HIVEP3: variants seen among roughly 807,000 people sequenced by gnomAD.
The protein encoded by HIVEP3 is transcription factor HIVEP3.
In HIVEP3, 49 loss-of-function variants were observed where a neutral mutation model predicts 152.8. The observed-to-expected ratio is 0.32, with a 90% CI of 0.26 to 0.41. The LOEUF (loss-of-function observed/expected upper bound fraction) is 0.41. Ranked by LOEUF, HIVEP3 falls within the 10% of genes least tolerant of loss-of-function variation. The pLI, the probability that HIVEP3 is intolerant of heterozygous loss-of-function variation, is 1.00. For synonymous variants in HIVEP3, 1,269 were observed against 1,289.0 expected, an observed-to-expected ratio of 0.98 and a Z score of 0.33; for missense variants, 2,790 against 3,103.3, an observed-to-expected ratio of 0.90 and a Z score of 2.40.
intron 1 of HIVEP3, among the ~76,000 whole-genome samples, chr1:42,025,887 T>A (rs1312777274): frequency 6.6e-6 from 1 of 151,976 alleles, no homozygotes; most frequent in Admixed American, 6.6e-5. Context: ...CTGGGCAACA[T>A]GGCAAAACCC....
intron 1 of HIVEP3, among the ~76,000 whole-genome samples, chr1:41,755,631 C>A (rs6699252): frequency 1.3e-5 from 2 of 149,922 alleles, no homozygotes; most frequent in African/African-American, 2.5e-5. Flanking sequence ...ACACCCAAAA[C>A]AATAAACAAT....
At chr1:41,728,751 C>T (rs572720075) in intron 1 of HIVEP3, among the ~76,000 whole-genome samples, 5 of 152,314 alleles carry the variant, frequency 3.3e-5, no homozygotes, top group African/African-American at 7.2e-5. Flanking sequence ...CAGACAGACA[C>T]GGGAATTCCC....
chr1:41,985,505 C>A (rs1645317185), intron 1 of HIVEP3, among the ~76,000 whole-genome samples: 2 of 152,194 alleles, frequency 1.3e-5, no homozygotes, highest in Admixed American at 1.3e-4. Context: ...AGAGAGGAAG[C>A]AAACTCTCTT....
At chr1:41,840,085 C>T (rs1643242246) in intron 1 of HIVEP3, among the ~76,000 whole-genome samples, 1 of 152,186 alleles carries the variant, frequency 6.6e-6, no homozygotes, top group African/African-American at 2.4e-5. Flanking sequence ...AATCCTGAGC[C>T]TGGCTCTCGT....
chr1:41,514,623 C>T (rs923160416), intron 7 of HIVEP3, among the ~76,000 whole-genome samples: 10 of 152,226 alleles, frequency 6.6e-5, no homozygotes, highest in African/African-American at 2.4e-4. Context: ...CCTCTAGCCT[C>T]GGGGCCCTCC....
intron 1 of HIVEP3, among the ~76,000 whole-genome samples, chr1:41,810,209 G>A (rs765122806): frequency 2.0e-5 from 3 of 152,192 alleles, no homozygotes; most frequent in Non-Finnish European, 4.4e-5. Context: ...GGTTGAAATG[G>A]CAGAACTGCT....
chr1:41,996,557 G>A (rs1645397201), intron 1 of HIVEP3, among the ~76,000 whole-genome samples: 1 of 152,080 alleles, frequency 6.6e-6, no homozygotes, highest in Non-Finnish European at 1.5e-5. Context: ...GCACAGTTTG[G>A]GTATCTCATA....
intron 2 of HIVEP3, among the ~76,000 whole-genome samples, chr1:41,635,085 G>A (rs759459755): frequency 7.2e-5 from 11 of 151,974 alleles, no homozygotes; most frequent in Non-Finnish European, 1.0e-4. Flanking sequence ...CGAATTGTAC[G>A]GACCACAGCC....
rs1231226081 is a variant in HIVEP3 at position 41,873,825 on chromosome 1, C to T, written c.-801+44588G>A. Among the ~76,000 whole-genome samples the T allele has an allele frequency of 6.6e-6, 1 of 152,174 alleles. No individual in the cohort carries two copies. The highest frequency in any genetic ancestry group is 1.5e-5 in the Non-Finnish European group (1 of 68,022). On this transcript the variant is annotated intron_variant, in intron 1 of 8. Coordinates refer to ENST00000372583, the MANE Select transcript of HIVEP3 (RefSeq NM_024503.5). This position sits in a 1 kb window ranked among gnomAD's most constrained non-coding sequence, Gnocchi z 4.2. ...GAATTCAAGAGTGGGATTCAAGAGACCAAACCATGGGGTCTAGGGGAAATA... is the reference window on the plus strand; with the variant it reads ...GAATTCAAGAGTGGGATTCAAGAGATCAAACCATGGGGTCTAGGGGAAATA...
At chr1:41,551,941 T>C (rs879941233) in intron 5 of HIVEP3, among the ~76,000 whole-genome samples, 5 of 152,192 alleles carry the variant, frequency 3.3e-5, no homozygotes, top group Non-Finnish European at 7.3e-5. Flanking sequence ...ATTTGTTTGC[T>C]CTTGCTTCTC....
At chr1:41,740,111 T>C (rs1646974870) in intron 1 of HIVEP3, among the ~76,000 whole-genome samples, 1 of 152,134 alleles carries the variant, frequency 6.6e-6, no homozygotes, top group Non-Finnish European at 1.5e-5. Flanking sequence ...GTCCTCCAGG[T>C]CTCCCCATAC....
chr1:41,651,063 T>C (rs1361322807), intron 2 of HIVEP3, among the ~76,000 whole-genome samples: 31 of 152,196 alleles, frequency 2.0e-4, no homozygotes, highest in Non-Finnish European at 7.4e-5. Flanking sequence ...GTCAGCTCTA[T>C]CTGTGGGTTC....
intron 1 of HIVEP3, among the ~76,000 whole-genome samples, chr1:41,767,273 G>C (rs1448434786): frequency 1.3e-5 from 2 of 152,198 alleles, no homozygotes; most frequent in Non-Finnish European, 2.9e-5. Context: ...GCTTTCACTA[G>C]GAAGGAAGCA....
At chr1:41,576,940 T>C (rs1644335886) in intron 4 of HIVEP3, among the ~76,000 whole-genome samples, 1 of 152,174 alleles carries the variant, frequency 6.6e-6, no homozygotes, top group African/African-American at 2.4e-5. Flanking sequence ...GACTGCTGCT[T>C]TGGCAGAAGG....
At chr1:41,578,999 T>G (rs1355496263) in intron 4 of HIVEP3, among the ~76,000 whole-genome samples, 1 of 152,218 alleles carries the variant, frequency 6.6e-6, no homozygotes, top group Non-Finnish European at 1.5e-5. Context: ...CATTTGAAAT[T>G]ATTGAATTTC....
intron 1 of HIVEP3, among the ~76,000 whole-genome samples, chr1:41,787,293 G>C (rs576275874): frequency 2.0e-5 from 3 of 152,258 alleles, no homozygotes; most frequent in African/African-American, 4.8e-5. Context: ...CAGTGCAACT[G>C]TCTGTAATGG....
chr1:41,824,416 T>G (rs2124346098), intron 1 of HIVEP3, among the ~76,000 whole-genome samples: 1 of 152,262 alleles, frequency 6.6e-6, no homozygotes, highest in East Asian at 1.9e-4. Context: ...TAACCTAGTC[T>G]AGTCAGAAAG....
intron 1 of HIVEP3, among the ~76,000 whole-genome samples, chr1:42,028,646 T>C (rs756334374): frequency 6.6e-6 from 1 of 152,202 alleles, no homozygotes; most frequent in Non-Finnish European, 1.5e-5. Flanking sequence ...TGTGAGTGTG[T>C]CTGTTTATAT....
intron 1 of HIVEP3, among the ~76,000 whole-genome samples, chr1:41,816,245 T>C (rs1185828112): frequency 1.3e-5 from 2 of 152,180 alleles, no homozygotes; most frequent in Non-Finnish European, 2.9e-5. Context: ...CATTCTTGTG[T>C]GGCATTTTGC....
Sources: allele counts gnomAD v4.1 joint callset (sites outside exome capture counted in the v4.1 genomes callset), GRCh38; gene constraint gnomAD v4.1.1; non-coding constraint Gnocchi (gnomAD v3.1); transcripts MANE v1.5; gene names NCBI Gene and HGNC (gene_info 2026-07-23, HGNC 2026-07-21).